DIAPH3: variants seen among roughly 807,000 people sequenced by gnomAD.
DIAPH3 encodes the protein protein diaphanous homolog 3.
A neutral mutation model predicts 144.3 loss-of-function variants in DIAPH3; 117 were observed. That is an observed-to-expected ratio of 0.81 (90% CI 0.70 to 0.95). The LOEUF (loss-of-function observed/expected upper bound fraction) is 0.95. Among genes scored for constraint, DIAPH3 ranks in the 40% least tolerant of loss-of-function variants. The probability of loss-of-function intolerance (pLI) is 0.00; values close to 1 mark genes in which losing one functional copy is unlikely to be tolerated. For missense variants in DIAPH3, 1,421 were observed against 1,412.7 expected (o/e 1.01, Z -0.09); for synonymous variants, 519 against 488.9 (o/e 1.06, Z -0.81).
intron 27 of DIAPH3, among the ~76,000 whole-genome samples, chr13:59,712,921 A>C (rs2034826073): frequency 6.6e-6 from 1 of 152,182 alleles, no homozygotes; most frequent in Admixed American, 6.5e-5. Context: ...ACTTCATATC[A>C]TCAGGCATTA....
intron 27 of DIAPH3, among the ~76,000 whole-genome samples, chr13:59,706,018 A>G (rs2034401766): frequency 6.6e-6 from 1 of 151,842 alleles, no homozygotes; most frequent in Non-Finnish European, 1.5e-5. Context: ...GGATTGTTCT[A>G]GGACCTCCCA....
At chr13:60,108,517 G>T (rs1462543224) in intron 3 of DIAPH3, among the ~76,000 whole-genome samples, 1 of 151,906 alleles carries the variant, frequency 6.6e-6, no homozygotes, top group African/African-American at 2.4e-5. Flanking sequence ...CTGAAGCAGG[G>T]ATTGCTTGAA....
At chr13:59,827,974 T>G (rs922956205) in intron 24 of DIAPH3, among the ~76,000 whole-genome samples, 11 of 152,008 alleles carry the variant, frequency 7.2e-5, no homozygotes, top group African/African-American at 2.4e-4. Flanking sequence ...TAATAACAAA[T>G]AGATTGGTTA....
chr13:59,699,639 G>T (rs1368886537), intron 27 of DIAPH3, among the ~76,000 whole-genome samples: 1 of 152,114 alleles, frequency 6.6e-6, no homozygotes, highest in Non-Finnish European at 1.5e-5. Context: ...TTTTCTCCAG[G>T]GCTTCCTTAC....
chr13:59,805,399 A>C (rs1272461039), intron 25 of DIAPH3, among the ~76,000 whole-genome samples: 3 of 152,092 alleles, frequency 2.0e-5, no homozygotes, highest in African/African-American at 7.2e-5. Context: ...TATTACTACT[A>C]CTTGCCTTAC....
chr13:60,118,833 G>A (rs932430621), intron 2 of DIAPH3, among the ~76,000 whole-genome samples: 2 of 152,134 alleles, frequency 1.3e-5, no homozygotes, highest in Non-Finnish European at 2.9e-5. Context: ...CTCATCTTTG[G>A]ATTTAAAAGG....
At chr13:60,125,866 G>A (rs1226411387) in intron 2 of DIAPH3, among the ~76,000 whole-genome samples, 1 of 152,102 alleles carries the variant, frequency 6.6e-6, no homozygotes, top group Non-Finnish European at 1.5e-5. Flanking sequence ...AGGACTGATA[G>A]AAGAAACGAG....
At chr13:59,844,329 C>T (rs1448748712) in intron 22 of DIAPH3, among the ~76,000 whole-genome samples, 1 of 151,446 alleles carries the variant, frequency 6.6e-6, no homozygotes, top group African/African-American at 2.4e-5. Context: ...ACGGGGAAAC[C>T]CCGTCTCTAC....
intron 5 of DIAPH3, among the ~76,000 whole-genome samples, chr13:60,035,388 T>C (rs2055133599): frequency 6.6e-6 from 1 of 152,128 alleles, no homozygotes; most frequent in African/African-American, 2.4e-5. Context: ...AGAAGCAGCC[T>C]CCTACCCCTA....
chr13:59,748,957 TA>T (rs1478117166), intron 27 of DIAPH3, among the ~76,000 whole-genome samples: 1 of 152,136 alleles, frequency 6.6e-6, no homozygotes, highest in Non-Finnish European at 1.5e-5. Context: ...CTCATGCCTA[TA>T]ATCCCAGCAC....
intron 3 of DIAPH3, among the ~76,000 whole-genome samples, chr13:60,105,099 CAAAAA>C (rs60853102): frequency 0.034 from 1,414 of 41,646 alleles, 14 homozygotes; most frequent in Non-Finnish European, 0.052. Context: ...GACACGATCT[CAAAAA>C]AAAAAAAAAA....
At chr13:59,840,522 AT>A in intron 22 of DIAPH3, among the ~76,000 whole-genome samples, 1 of 152,288 alleles carries the variant, frequency 6.6e-6, no homozygotes, top group African/African-American at 2.4e-5. Flanking sequence ...GACATTAAAA[AT>A]AATGTGTAAG....
At chr13:59,851,680 C>A (rs544775727) in intron 22 of DIAPH3, among the ~76,000 whole-genome samples, 47 of 149,868 alleles carry the variant, frequency 3.1e-4, no homozygotes, top group Non-Finnish European at 5.0e-4. Context: ...CGCTCTTTGC[C>A]CAGGTTGGAG....
Position 59,992,596 on chromosome 13 carries a change from A to C in DIAPH3, c.1015-13T>G. The C allele has an allele frequency of 6.3e-7, 1 of 1,595,700 alleles. No homozygotes were observed. The highest frequency in any genetic ancestry group is 8.6e-7 in the Non-Finnish European group (1 of 1,164,824). On this transcript the variant is annotated splice_polypyrimidine_tract_variant and intron_variant, in intron 9 of 27. Transcript: ENST00000400324. ...GCATACAAGCTACCTACAAGAGATC[A>C]AACAGTGAGACAGACTGGGTTTCCA...
chr13:59,684,235 C>G (rs936027509), intron 27 of DIAPH3, among the ~76,000 whole-genome samples: 1 of 152,166 alleles, frequency 6.6e-6, no homozygotes, highest in African/African-American at 2.4e-5. Context: ...AGATTTGGAG[C>G]TTTCTGCCTG....
At chr13:59,770,751 T>G (rs902126532) in intron 27 of DIAPH3, among the ~76,000 whole-genome samples, 1 of 152,124 alleles carries the variant, frequency 6.6e-6, no homozygotes, top group African/African-American at 2.4e-5. Flanking sequence ...TTGCCAAAAT[T>G]TTTTGTTGCC....
chr13:59,950,961 T>C (rs980124458), intron 17 of DIAPH3, among the ~76,000 whole-genome samples: 1 of 152,178 alleles, frequency 6.6e-6, no homozygotes, highest in African/African-American at 2.4e-5. Context: ...GGTATTTTTT[T>C]CTTTCATCAA....
At chr13:60,107,345 A>G (rs946610395) in intron 3 of DIAPH3, among the ~76,000 whole-genome samples, 8 of 152,122 alleles carry the variant, frequency 5.3e-5, no homozygotes, top group African/African-American at 1.9e-4. Context: ...GGAAAAAAAG[A>G]AGATAAAAGC....
intron 4 of DIAPH3, among the ~76,000 whole-genome samples, chr13:60,085,699 T>G (rs1337273800): frequency 6.6e-6 from 1 of 152,156 alleles, no homozygotes; most frequent in Non-Finnish European, 1.5e-5. Flanking sequence ...ATAGCATTTA[T>G]TTTCTTAAAT....
Sources: gnomAD v4.1 joint callset for allele counts (sites outside exome capture counted in the v4.1 genomes callset) on GRCh38, gnomAD v4.1.1 for gene constraint, MANE v1.5 for transcripts, NCBI Gene and HGNC (gene_info 2026-07-23, HGNC 2026-07-21) for gene names.